The following BRAF variants were observed in gnomAD, a reference collection of about 807,000 sequenced individuals.
BRAF encodes B-Raf proto-oncogene, serine/threonine kinase, also known as serine/threonine-protein kinase B-raf.
Under a neutral mutation model 104.6 loss-of-function variants are expected in BRAF, and 16 were observed. The ratio of observed to expected loss-of-function variants is 0.15; its 90% CI spans 0.10 to 0.23. The LOEUF (loss-of-function observed/expected upper bound fraction) is 0.23. BRAF is among the 10% of genes least tolerant of loss of function. The pLI, the probability that BRAF is intolerant of heterozygous loss-of-function variation, is 1.00. For missense variants in BRAF, 541 were observed against 937.3 expected (o/e 0.58, Z 5.52); for synonymous variants, 310 against 341.6 (o/e 0.91, Z 1.02).
At chr7:140,733,144 G>T (rs796982503) in intron 19 of BRAF, 1 of 152,080 alleles carries the variant, frequency 6.6e-6, no homozygotes, top group Non-Finnish European at 1.5e-5. Flanking sequence ...AAGATTTGCC[G>T]TAATTATTAT....
At chr7:140,828,172 C>T (rs963323819) in intron 3 of BRAF, among the ~76,000 whole-genome samples, 2 of 152,140 alleles carry the variant, frequency 1.3e-5, no homozygotes, top group Non-Finnish European at 1.5e-5. Context: ...AGATTACAGG[C>T]ATGAGCTACC....
chr7:140,826,754 T>C lies in BRAF; in HGVS notation c.504+7855A>G, dbSNP rs183473735. On this transcript the variant is annotated intron_variant, in intron 3 of 19. Transcript: ENST00000644969. ...CTAACACTTTACTCCTAAATACTTA[T>C]ACATGTAATTCCTAAGAACAAGGAC... 7.9e-4 allele frequency among the ~76,000 whole-genome samples: 121 copies of C among 152,344 alleles called. No individual in the cohort carries two copies. In the Middle Eastern group the frequency reaches 0.02, roughly 26 times the overall value.
At chr7:140,817,661 T>C (rs1230446190) in intron 3 of BRAF, among the ~76,000 whole-genome samples, 1 of 152,232 alleles carries the variant, frequency 6.6e-6, no homozygotes, top group African/African-American at 2.4e-5. Context: ...TGAACTCATT[T>C]TTGACAAAGG....
intron 8 of BRAF, among the ~76,000 whole-genome samples, chr7:140,793,660 CTG>C (rs1436353273): frequency 2.6e-5 from 4 of 152,176 alleles, no homozygotes; most frequent in Non-Finnish European, 5.9e-5. Context: ...GGGTCTCACT[CTG>C]TTGCTCAGGC....
At position 140,808,059 on chromosome 7, in the gene BRAF, C is replaced by G. The variant is rs1202874043; in HGVS notation, c.612G>C (p.Glu204Asp). 1.9e-6 allele frequency: 3 copies of G among 1,609,068 alleles called. No individual in the cohort carries two copies. In the Admixed American group the frequency reaches 5.0e-5, roughly 27 times the overall value. ...CAGTGTCCCAACCAATTGGTTTCTT[C>G]TCTCTGAAAAATGTAGACACAAGCC... ...CCAVYRIQDG[E>D]KKPIGWDTDI... Residue 204 changes from glutamate (E) to aspartate (D), a missense_variant, in exon 5 of 20, where the codon GAG (glutamate) becomes GAC (aspartate). Coordinates refer to ENST00000644969, the MANE Select transcript of BRAF (RefSeq NM_001374258.1).
At chr7:140,808,186 A>C (rs1803853042) in intron 4 of BRAF, 124 bp from the exon 5 acceptor site, 3 of 743,142 alleles carry the variant, frequency 4.0e-6, no homozygotes, top group Admixed American at 2.0e-5. Context: ...TTGGCTCCCT[A>C]ATATTCCATC....
chr7:140,720,425 T>C lies in BRAF; in HGVS notation c.*6069A>G. ...ACATAACATGAAGATAAATAAGACA[T>C]AAAGGCTAGCCACTTACGTTGGTCA... On this transcript the variant is annotated 3_prime_UTR_variant, in exon 20 of 20. Transcript: ENST00000644969. 1 of 1,062,214 alleles carries C rather than the reference T, an allele frequency of 9.4e-7. No homozygotes were observed. The highest frequency in any genetic ancestry group is 1.1e-6 in the Non-Finnish European group (1 of 877,484). 65.8% of individuals were successfully genotyped at this position (1,062,214 alleles called of 1,614,324 possible).
At chr7:140,785,251 G>T (rs1252609888) in intron 10 of BRAF, among the ~76,000 whole-genome samples, 2 of 151,950 alleles carry the variant, frequency 1.3e-5, no homozygotes, top group Non-Finnish European at 2.9e-5. Flanking sequence ...TCTCATAATA[G>T]AAGTTTCCAT....
intron 1 of BRAF, among the ~76,000 whole-genome samples, chr7:140,907,046 A>G (rs1392620370): frequency 3.3e-5 from 5 of 152,188 alleles, no homozygotes; most frequent in Non-Finnish European, 7.3e-5. Context: ...GCTCTGATTA[A>G]AGAAATTAGA....
At chr7:140,872,012 T>A (rs1197810108) in intron 1 of BRAF, among the ~76,000 whole-genome samples, 9 of 151,724 alleles carry the variant, frequency 5.9e-5, no homozygotes, top group Non-Finnish European at 1.3e-4. Flanking sequence ...AAGTCAGGAG[T>A]TCGAGACTAG....
Position 140,924,189 on chromosome 7 carries a change from T to C in BRAF, c.138+377A>G, listed in dbSNP as rs1330511552. Among the ~76,000 whole-genome samples the C allele has an allele frequency of 6.6e-6, 1 of 152,044 alleles. No homozygotes were observed. The highest frequency in any genetic ancestry group is 2.4e-5 in the African/African-American group (1 of 41,412). On this transcript the variant is annotated intron_variant, in intron 1 of 19. Transcript: ENST00000644969. This position sits in a 1 kb window ranked among gnomAD's most constrained non-coding sequence, Gnocchi z 4.2. ...TGTCTCAGCCCCAGCAACTAACCTA[T>C]ATCCTCCACGTCGAGGCCGCCGCCG...
chr7:140,759,469 C>T (rs1798485088), intron 14 of BRAF, among the ~76,000 whole-genome samples: 1 of 152,234 alleles, frequency 6.6e-6, no homozygotes, highest in African/African-American at 2.4e-5. Flanking sequence ...TCACTGCAAC[C>T]TCTGCCTCCC....
intron 1 of BRAF, among the ~76,000 whole-genome samples, chr7:140,889,064 G>A (rs747070543): frequency 5.3e-5 from 8 of 152,172 alleles, no homozygotes; most frequent in Non-Finnish European, 1.0e-4. Flanking sequence ...GTTCTACATC[G>A]TAGGATTCAC....
chr7:140,832,442 G>GT (rs1396404773), intron 3 of BRAF, among the ~76,000 whole-genome samples: 1 of 152,190 alleles, frequency 6.6e-6, no homozygotes. Flanking sequence ...TGCTCAAATA[G>GT]TAACTGTTAA....
intron 13 of BRAF, 58 bp downstream of exon 12, chr7:140,777,933 C>T (rs2129019352): frequency 1.3e-6 from 2 of 1,509,222 alleles, no homozygotes; most frequent in Admixed American, 3.4e-5. Context: ...CCACTGGGAA[C>T]CAGGAGCTAA....
chr7:140,849,072 T>C (rs1336884930), intron 2 of BRAF, among the ~76,000 whole-genome samples: 1 of 152,188 alleles, frequency 6.6e-6, no homozygotes, highest in Non-Finnish European at 1.5e-5. Context: ...TAATTTAGAG[T>C]TCTCCATCTC....
At chr7:140,785,141 C>T (rs1414827560) in intron 10 of BRAF, among the ~76,000 whole-genome samples, 4 of 151,878 alleles carry the variant, frequency 2.6e-5, no homozygotes, top group African/African-American at 7.3e-5. Context: ...AGCTCCCTAC[C>T]TTTGACAAAA....
At chr7:140,801,157 C>A (rs1209791006) in intron 6 of BRAF, 1 of 375,852 alleles carries the variant, frequency 2.7e-6, no homozygotes. Flanking sequence ...AAAATGGTTT[C>A]TATGGGTTAG....
intron 1 of BRAF, among the ~76,000 whole-genome samples, chr7:140,863,167 C>T (rs547355054): frequency 6.6e-6 from 1 of 151,608 alleles, no homozygotes; most frequent in African/African-American, 2.4e-5. Flanking sequence ...AAAGATAAAA[C>T]AAATGATTCA....
Sources: gnomAD v4.1 joint callset for allele counts (sites outside exome capture counted in the v4.1 genomes callset) on GRCh38, gnomAD v4.1.1 for gene constraint, Gnocchi (gnomAD v3.1) non-coding constraint, MANE v1.5 for transcripts, NCBI Gene and HGNC (gene_info 2026-07-23, HGNC 2026-07-21) for gene names.